Variants in LTBP1 observed in about 807,000 individuals in gnomAD.
LTBP1 encodes the protein latent transforming growth factor beta binding protein 1, also known as latent-transforming growth factor beta-binding protein 1.
A neutral mutation model predicts 207.6 loss-of-function variants in LTBP1; 129 were observed. The ratio of observed to expected loss-of-function variants is 0.62; its 90% confidence interval spans 0.54 to 0.72. LTBP1 has a LOEUF of 0.72. Among genes scored for constraint, LTBP1 ranks in the 30% least tolerant of loss-of-function variants. The pLI, the probability that LTBP1 is intolerant of heterozygous loss-of-function variation, is 0.00. For missense variants in LTBP1, 2,281 were observed against 2,217.2 expected (o/e 1.03, Z -0.58); for synonymous variants, 963 against 833.7 (o/e 1.16, Z -2.67).
At chr2:33,183,707 C>T (rs946986310) in intron 5 of LTBP1, among the ~76,000 whole-genome samples, 3 of 152,168 alleles carry the variant, frequency 2.0e-5, no homozygotes, top group African/African-American at 7.2e-5. Flanking sequence ...TTGCTTTACC[C>T]ATTACACACT....
chr2:33,040,266 A>T (rs1366300516), intron 3 of LTBP1, among the ~76,000 whole-genome samples: 1 of 152,156 alleles, frequency 6.6e-6, no homozygotes, highest in Non-Finnish European at 1.5e-5. Flanking sequence ...GTAGACCCAG[A>T]TGCTTGGAGC....
chr2:33,347,341 C>A (rs1381265732), intron 25 of LTBP1, 26 bp from the exon 26 acceptor site: 25 of 1,613,830 alleles, frequency 1.5e-5, no homozygotes, highest in Non-Finnish European at 2.0e-5. Flanking sequence ...GCACACATCT[C>A]ACTTGGTCTG....
intron 7 of LTBP1, among the ~76,000 whole-genome samples, chr2:33,191,615 T>C (rs933717029): frequency 4.6e-5 from 7 of 152,246 alleles, no homozygotes; most frequent in African/African-American, 1.7e-4. Flanking sequence ...TGTATCCTAC[T>C]ATCCTACAAA....
In LTBP1 at chr2:33,257,360, CCATGTAGGTAAAGGACCTGTATTTG is replaced by C; in HGVS notation, c.2245_2269del (p.His749SerfsTer28). ...TTCATAGACGCAGGCCAATCCATCA[CCATGTAGGTAAAGGACCTGTATTTG>C]TCAAGCCAAAGAACACTCAACCTGT... On this transcript the variant is annotated frameshift_variant, in exon 12 of 34. Coordinates refer to ENST00000404816, the MANE Select transcript of LTBP1 (RefSeq NM_206943.4). LOFTEE classifies it high-confidence loss of function. 6.2e-7 allele frequency: 1 copy of C among 1,614,188 alleles called. No homozygotes were observed. Among genetic ancestry groups the C allele is most frequent in the Non-Finnish European group, 8.5e-7 (1 of 1,180,026 alleles).
chr2:33,064,689 C>G (rs566410460), intron 3 of LTBP1, among the ~76,000 whole-genome samples: 1 of 152,270 alleles, frequency 6.6e-6, no homozygotes, highest in East Asian at 1.9e-4. Context: ...TCCTTTGCCA[C>G]AGAAGGAGAT....
intron 19 of LTBP1, among the ~76,000 whole-genome samples, chr2:33,282,164 G>A (rs1428363828): frequency 6.6e-6 from 1 of 151,394 alleles, no homozygotes; most frequent in Non-Finnish European, 1.5e-5. Flanking sequence ...AGAATCATAA[G>A]CAGAAATATT....
At chr2:33,041,775 G>A (rs1342733468) in intron 3 of LTBP1, among the ~76,000 whole-genome samples, 1 of 152,106 alleles carries the variant, frequency 6.6e-6, no homozygotes, top group Non-Finnish European at 1.5e-5. Context: ...GGAAGTCTCA[G>A]TCTCTCCCTC....
At chr2:33,053,332 A>G (rs928755649) in intron 3 of LTBP1, among the ~76,000 whole-genome samples, 6 of 152,206 alleles carry the variant, frequency 3.9e-5, no homozygotes, top group African/African-American at 7.2e-5. Flanking sequence ...TTTGCTACAA[A>G]TGATGAACCT....
intron 3 of LTBP1, among the ~76,000 whole-genome samples, chr2:33,075,725 A>G (rs1009889794): frequency 2.6e-4 from 40 of 152,312 alleles, no homozygotes; most frequent in Admixed American, 1.6e-3. Flanking sequence ...GTTTTTGTCA[A>G]TGGGGGTTAT....
intron 32 of LTBP1, among the ~76,000 whole-genome samples, chr2:33,396,603 G>A (rs2095360379): frequency 6.6e-6 from 1 of 152,132 alleles, no homozygotes; most frequent in African/African-American, 2.4e-5. Context: ...TTGATCCCCT[G>A]GGAGCCCTTT....
intron 5 of LTBP1, among the ~76,000 whole-genome samples, chr2:33,163,878 A>G (rs1039178609): frequency 1.3e-5 from 2 of 152,168 alleles, no homozygotes; most frequent in Non-Finnish European, 2.9e-5. Context: ...TCATAATTTT[A>G]TGGAAAAAAG....
At chr2:33,129,909 A>C (rs1360009410) in intron 4 of LTBP1, among the ~76,000 whole-genome samples, 2 of 152,170 alleles carry the variant, frequency 1.3e-5, no homozygotes, top group African/African-American at 4.8e-5. Context: ...TAGTGATCTC[A>C]TCTGAGTTTC....
chr2:33,176,431 T>G (rs2148574671), intron 5 of LTBP1, among the ~76,000 whole-genome samples: 1 of 152,266 alleles, frequency 6.6e-6, no homozygotes, highest in South Asian at 2.1e-4. Context: ...TTCACCATGT[T>G]GGCCAGGATG....
At chr2:33,145,698 C>G (rs1476146931) in intron 5 of LTBP1, among the ~76,000 whole-genome samples, 1 of 151,860 alleles carries the variant, frequency 6.6e-6, no homozygotes, top group Non-Finnish European at 1.5e-5. Context: ...TCTGAGAATC[C>G]CATAGCGTGC....
In LTBP1 at chr2:33,309,498, G is replaced by T. The variant is rs777773249; in HGVS notation, c.3546G>T (p.Gly1182=). The stretch of plus-strand genomic sequence containing the variant: ...GAGGAGACTGCATTAATACTGCAGG[G>T]TCCTATGATTGTACTTGTCCGGATG... The part of the protein sequence containing the change: ...CQRGDCINTA[G]SYDCTCPDGF... The change falls in exon 23 of 34, where the codon GGG becomes GGT. Residue 1182 remains glycine (G), a synonymous_variant. Transcript: ENST00000404816. 8 of 1,609,578 alleles carry T rather than the reference G, an allele frequency of 5.0e-6. No homozygotes were observed. Among genetic ancestry groups the T allele is most frequent in the East Asian group, 2.2e-5 (1 of 44,618 alleles).
Position 33,300,458 on chromosome 2 carries a change from T to G in LTBP1, c.3243T>G (p.Asp1081Glu), listed in dbSNP as rs745409804. The G allele has an allele frequency of 1.2e-6, 2 of 1,613,074 alleles. No individual in the cohort carries two copies. Among genetic ancestry groups the G allele is most frequent in the Non-Finnish European group, 1.7e-6 (2 of 1,179,372 alleles). ...CCGTTGTTGTGTTTGCAGATATTGA[T>G]GAATGTCAGCAAGGGAATCTATGTG... ...TPDHKHCRDI[D>E]ECQQGNLCVN... Residue 1081 changes from aspartate (D) to glutamate (E), a missense_variant, in exon 21 of 34, where the codon GAT (aspartate) becomes GAG (glutamate). Coordinates refer to ENST00000404816, the MANE Select transcript of LTBP1 (RefSeq NM_206943.4).
At chr2:33,051,297 G>T (rs1324574126) in intron 3 of LTBP1, among the ~76,000 whole-genome samples, 1 of 152,048 alleles carries the variant, frequency 6.6e-6, no homozygotes. Context: ...TGTGCCTGTT[G>T]TTCTAGCTAC....
intron 3 of LTBP1, among the ~76,000 whole-genome samples, chr2:33,055,744 G>T (rs1572412754): frequency 6.6e-6 from 1 of 152,198 alleles, no homozygotes; most frequent in East Asian, 1.9e-4. Flanking sequence ...CCCCAGGTCT[G>T]CCTTCATCTG....
Position 33,021,142 on chromosome 2 carries a change from G to C in LTBP1, c.799G>C (p.Ala267Pro). The C allele has an allele frequency of 6.2e-7, 1 of 1,613,592 alleles. No homozygotes were observed. The highest frequency in any genetic ancestry group is 8.5e-7 in the Non-Finnish European group (1 of 1,179,724). ...ADTLPRVSPV[A>P]QMTLTLKPKP... Reference sequence around the variant, plus strand: ...CACTCTACCAAGAGTCAGCCCTGTGGCCCAGATGACCTTAACCCTCAAGCC... The same window carrying C: ...CACTCTACCAAGAGTCAGCCCTGTGCCCCAGATGACCTTAACCCTCAAGCC... Residue 267 changes from alanine (A) to proline (P), a missense_variant, in exon 3 of 34, where the codon GCC becomes CCC. Ala to Pro is a conservative substitution (Grantham distance 27). This residue lies in a region of LTBP1 where 555 missense variants were observed against 491.0 expected (regional missense o/e 1.13). Coordinates refer to ENST00000404816, the MANE Select transcript of LTBP1 (RefSeq NM_206943.4).
Sources: allele counts gnomAD v4.1 joint callset (sites outside exome capture counted in the v4.1 genomes callset), GRCh38; gene constraint gnomAD v4.1.1; regional missense constraint gnomAD v4.1.1; transcripts MANE v1.5; gene names NCBI Gene and HGNC (gene_info 2026-07-23, HGNC 2026-07-21).